TENM2: variants seen among roughly 807,000 people sequenced by gnomAD.
TENM2 encodes teneurin-2.
Under a neutral mutation model 245.2 loss-of-function variants are expected in TENM2, and 52 were observed. The ratio of observed to expected loss-of-function variants is 0.21; its 90% CI spans 0.17 to 0.27. The LOEUF (loss-of-function observed/expected upper bound fraction) is 0.27, where lower values mean the gene tolerates loss of function less well. TENM2 is among the 10% of genes least tolerant of loss of function. TENM2 has a pLI of 1.00. For missense variants in TENM2, 3,046 were observed against 3,666.8 expected (o/e 0.83, Z 4.37); for synonymous variants, 1,363 against 1,438.9 (o/e 0.95, Z 1.19).
At chr5:167,605,983 G>A (rs1391976591) in intron 2 of TENM2, among the ~76,000 whole-genome samples, 1 of 152,120 alleles carries the variant, frequency 6.6e-6, no homozygotes, top group Non-Finnish European at 1.5e-5. Context: ...TACCCTCTTG[G>A]AAAACCACTA....
chr5:167,262,792 G>A, the TENM2 span, among the ~76,000 whole-genome samples: 2 of 151,916 alleles, frequency 1.3e-5, no homozygotes, highest in African/African-American at 4.8e-5. Flanking sequence ...GACAAATCAG[G>A]TCCCTTTCAG....
chr5:167,805,562 G>A (rs1347817742), intron 2 of TENM2, among the ~76,000 whole-genome samples: 1 of 152,158 alleles, frequency 6.6e-6, no homozygotes, highest in Non-Finnish European at 1.5e-5. Flanking sequence ...GGCTATTGTA[G>A]CTTCCCTGAG....
chr5:167,665,375 G>T (rs554790073), intron 2 of TENM2, among the ~76,000 whole-genome samples: 3 of 152,172 alleles, frequency 2.0e-5, no homozygotes, highest in South Asian at 2.1e-4. Flanking sequence ...CAAAAAAGTG[G>T]CTGCGATCCC....
chr5:168,198,871 T>C (rs754597522), exon 16 of TENM2: 4 of 1,613,842 alleles, frequency 2.5e-6, no homozygotes, highest in Non-Finnish European at 3.4e-6. Flanking sequence ...TGATCGCAAA[T>C]GGAGGTGCTT....
intron 23 of TENM2, among the ~76,000 whole-genome samples, chr5:168,223,273 A>G (rs913745113): frequency 5.9e-5 from 9 of 152,148 alleles, no homozygotes; most frequent in African/African-American, 1.9e-4. Flanking sequence ...AGTGTCCCCA[A>G]ACTACAGTGG....
the TENM2 span, among the ~76,000 whole-genome samples, chr5:167,134,959 T>C: frequency 6.6e-6 from 1 of 152,242 alleles, no homozygotes; most frequent in African/African-American, 2.4e-5. Flanking sequence ...TTAACGATGG[T>C]ATATTAAGGC....
intron 2 of TENM2, among the ~76,000 whole-genome samples, chr5:167,576,564 G>T (rs10475853): frequency 0.64 from 97,391 of 151,934 alleles, 31,587 homozygotes; most frequent in Middle Eastern, 0.74. Context: ...TGTTTGCTGT[G>T]TTCCGTTTTC....
chr5:167,353,140 T>C (rs1759036003), intron 1 of TENM2, among the ~76,000 whole-genome samples: 1 of 152,178 alleles, frequency 6.6e-6, no homozygotes, highest in Admixed American at 6.5e-5. Context: ...GCCTCTAATC[T>C]GTGAAATGCT....
At position 167,469,397 on chromosome 5, in the gene TENM2, C is replaced by G. The variant is rs573377768; in HGVS notation, c.502+93924C>G. Reference sequence around the variant, plus strand: ...ATTATGATAAGCATTTGTTATTTTCCCAAGTAAAGATTAAATTAATGTTAT... The same window carrying G: ...ATTATGATAAGCATTTGTTATTTTCGCAAGTAAAGATTAAATTAATGTTAT... On this transcript the variant is annotated intron_variant, in intron 2 of 28. Transcript: ENST00000518659. Among the ~76,000 whole-genome samples the G allele has an allele frequency of 1.8e-3, 280 of 151,912 alleles. 1 individual carries two copies. Among genetic ancestry groups the G allele is most frequent in the Non-Finnish European group, 3.3e-3 (226 of 67,876 alleles).
At chr5:167,669,509 G>A (rs1755793547) in intron 2 of TENM2, among the ~76,000 whole-genome samples, 1 of 152,112 alleles carries the variant, frequency 6.6e-6, no homozygotes, top group African/African-American at 2.4e-5. Context: ...ATTAGTATGA[G>A]CACAAAGAAT....
the TENM2 span, among the ~76,000 whole-genome samples, chr5:167,005,392 G>T: frequency 2.6e-5 from 4 of 152,238 alleles, no homozygotes; most frequent in South Asian, 8.3e-4. Flanking sequence ...TTCTTTAGGA[G>T]AACCGTTGAC....
At chr5:167,498,793 G>A (rs747078357) in intron 2 of TENM2, among the ~76,000 whole-genome samples, 1 of 152,054 alleles carries the variant, frequency 6.6e-6, no homozygotes, top group African/African-American at 2.4e-5. Flanking sequence ...ATTTTCAAAT[G>A]TCTCACCACT....
intron 1 of TENM2, among the ~76,000 whole-genome samples, chr5:167,335,171 T>C (rs928552646): frequency 2.0e-5 from 3 of 152,150 alleles, no homozygotes; most frequent in African/African-American, 7.2e-5. Context: ...CTTTGACTCA[T>C]GGCAGAAGGC....
chr5:168,077,993 G>A (rs1791632826), intron 7 of TENM2, among the ~76,000 whole-genome samples: 1 of 152,150 alleles, frequency 6.6e-6, no homozygotes, highest in Non-Finnish European at 1.5e-5. Context: ...GATCCTTGAG[G>A]AATTGCCACA....
At chr5:167,164,513 C>T in the TENM2 span, among the ~76,000 whole-genome samples, 1 of 152,130 alleles carries the variant, frequency 6.6e-6, no homozygotes, top group Non-Finnish European at 1.5e-5. Flanking sequence ...ACTATGGGAA[C>T]ATTATAAGTA....
At chr5:166,989,493 G>A in the TENM2 span, among the ~76,000 whole-genome samples, 8 of 151,840 alleles carry the variant, frequency 5.3e-5, no homozygotes, top group Non-Finnish European at 7.4e-5. Context: ...TGATCTGCCC[G>A]ATTTGGCCTC....
At chr5:167,392,368 T>C (rs1761807840) in intron 2 of TENM2, among the ~76,000 whole-genome samples, 1 of 152,140 alleles carries the variant, frequency 6.6e-6, no homozygotes, top group African/African-American at 2.4e-5. Context: ...AGCTTTTGAA[T>C]TAGTGGACTG....
At chr5:167,225,728 G>C in the TENM2 span, among the ~76,000 whole-genome samples, 1 of 151,882 alleles carries the variant, frequency 6.6e-6, no homozygotes, top group Non-Finnish European at 1.5e-5. Flanking sequence ...TGAATAGTTT[G>C]AGAAGGATTG....
chr5:167,403,555 T>C (rs1180948111), intron 2 of TENM2, among the ~76,000 whole-genome samples: 4 of 152,108 alleles, frequency 2.6e-5, no homozygotes, highest in Non-Finnish European at 2.9e-5. Flanking sequence ...TCATGGTAGA[T>C]AGACAGAACA....
Sources: allele counts gnomAD v4.1 joint callset (sites outside exome capture counted in the v4.1 genomes callset), GRCh38; gene constraint gnomAD v4.1.1; transcripts MANE v1.5; gene names NCBI Gene and HGNC (gene_info 2026-07-23, HGNC 2026-07-21).